CACNB2: variants seen among roughly 807,000 people sequenced by gnomAD.
CACNB2 encodes the protein voltage-dependent L-type calcium channel subunit beta-2.
Under a neutral mutation model 73.3 loss-of-function variants are expected in CACNB2, and 42 were observed. The observed-to-expected ratio is 0.57, with a 90% CI of 0.45 to 0.74. The LOEUF (loss-of-function observed/expected upper bound fraction) is 0.74. Ranked by LOEUF, CACNB2 falls within the 30% of genes least tolerant of loss-of-function variation. The probability of loss-of-function intolerance (pLI) is 0.00; values close to 1 mark genes in which losing one functional copy is unlikely to be tolerated. For missense variants in CACNB2, 940 were observed against 853.0 expected, an observed-to-expected ratio of 1.10 and a Z score of -1.27; for synonymous variants, 348 against 310.3, an observed-to-expected ratio of 1.12 and a Z score of -1.28.
intron 2 of CACNB2, among the ~76,000 whole-genome samples, chr10:18,280,969 C>T (rs563950687): frequency 3.8e-4 from 58 of 152,270 alleles, no homozygotes; most frequent in Non-Finnish European, 7.1e-4. Context: ...GGATCACTAA[C>T]GCCTGTACAC....
intron 3 of CACNB2, among the ~76,000 whole-genome samples, chr10:18,443,311 C>T (rs1005462594): frequency 3.9e-5 from 6 of 151,916 alleles, no homozygotes; most frequent in African/African-American, 1.5e-4. Context: ...TTTCCAGTGA[C>T]AGCACACTCA....
intron 2 of CACNB2, among the ~76,000 whole-genome samples, chr10:18,248,875 T>C (rs917840596): frequency 6.6e-6 from 1 of 152,166 alleles, no homozygotes; most frequent in African/African-American, 2.4e-5. Context: ...AGCCTAAACC[T>C]GACTCTCATT....
intron 4 of CACNB2, among the ~76,000 whole-genome samples, chr10:18,500,337 A>C (rs921027539): frequency 1.3e-5 from 2 of 152,236 alleles, no homozygotes; most frequent in African/African-American, 2.4e-5. Context: ...TGAACATCGC[A>C]TTGTATATTT....
At chr10:18,200,273 T>G (rs1276029594) in intron 2 of CACNB2, among the ~76,000 whole-genome samples, 2 of 136,446 alleles carry the variant, frequency 1.5e-5, no homozygotes, top group African/African-American at 7.4e-5. Context: ...AAAAAAAAAG[T>G]TTTTTTGTGT....
At chr10:18,228,628 C>T (rs974493055) in intron 2 of CACNB2, among the ~76,000 whole-genome samples, 1 of 152,152 alleles carries the variant, frequency 6.6e-6, no homozygotes, top group African/African-American at 2.4e-5. Context: ...AAGTTAGTGT[C>T]GGTAGGACAG....
chr10:18,243,007 C>CAA (rs68136708), intron 2 of CACNB2, among the ~76,000 whole-genome samples: 26,210 of 134,510 alleles, frequency 0.19, 2,817 homozygotes, highest in African/African-American at 0.27. Context: ...AAGACTGTCT[C>CAA]AAAAAAAAAA....
In CACNB2 at chr10:18,192,644, C is replaced by A. The variant is rs547274153; in HGVS notation, c.213+41669C>A. On this transcript the variant is annotated intron_variant, in intron 2 of 13. Coordinates refer to ENST00000324631, the MANE Select transcript of CACNB2 (RefSeq NM_201596.3). ...TACCCATTAAGCAATTTCTTCCTAT[C>A]CTTCCCATCCCCCAGGCCCTGGCAA... 5.9e-5 allele frequency among the ~76,000 whole-genome samples: 9 copies of A among 152,278 alleles called. No individual in the cohort carries two copies. The South Asian group carries it at 1.9e-3, about 32-fold the overall frequency.
intron 3 of CACNB2, among the ~76,000 whole-genome samples, chr10:18,451,096 C>A (rs961920563): frequency 6.6e-6 from 1 of 152,174 alleles, no homozygotes; most frequent in East Asian, 1.9e-4. Context: ...AGCTCTATAT[C>A]TTGGAGCAGA....
intron 2 of CACNB2, among the ~76,000 whole-genome samples, chr10:18,377,085 G>T (rs762159505): frequency 6.6e-6 from 1 of 152,094 alleles, no homozygotes; most frequent in Non-Finnish European, 1.5e-5. Context: ...ATTATATATT[G>T]CATGCCTGTA....
In CACNB2 at chr10:18,538,372, G is replaced by A. The variant is rs770757228; in HGVS notation, c.1488+7G>A. On this transcript the variant is annotated splice_region_variant and intron_variant, in intron 13 of 13. Coordinates refer to ENST00000324631, the MANE Select transcript of CACNB2 (RefSeq NM_201596.3). ...CCTAGCCTCTAATTCACAGGTAAGGGGAGTTTTTATATATATCTATATATA... is the reference window on the plus strand; with the variant it reads ...CCTAGCCTCTAATTCACAGGTAAGGAGAGTTTTTATATATATCTATATATA... 1.2e-5 allele frequency: 20 copies of A among 1,604,882 alleles called. No individual in the cohort carries two copies. In the African/African-American group the frequency reaches 2.4e-4, roughly 19 times the overall value.
chr10:18,192,571 T>C (rs1205383109), intron 2 of CACNB2, among the ~76,000 whole-genome samples: 4 of 152,114 alleles, frequency 2.6e-5, no homozygotes, highest in African/African-American at 9.7e-5. Flanking sequence ...GTAACTACTC[T>C]CTCTTTCTAG....
chr10:18,273,055 T>A (rs1165199816), intron 2 of CACNB2, among the ~76,000 whole-genome samples: 1 of 152,206 alleles, frequency 6.6e-6, no homozygotes, highest in Admixed American at 6.5e-5. Context: ...TTTTGAGGGC[T>A]ACTGGCCAAC....
intron 2 of CACNB2, among the ~76,000 whole-genome samples, chr10:18,392,159 C>T (rs983881063): frequency 3.9e-5 from 6 of 151,900 alleles, no homozygotes; most frequent in Admixed American, 3.3e-4. Context: ...TATCAAGGGG[C>T]CCAACAAGGT....
intron 10 of CACNB2, among the ~76,000 whole-genome samples, chr10:18,529,248 T>C (rs186537516): frequency 9.3e-4 from 142 of 152,342 alleles, no homozygotes; most frequent in Middle Eastern, 3.4e-3. Flanking sequence ...CCAAGATTTT[T>C]TTTACAACTA....
chr10:18,441,327 C>T (rs1048391126), intron 3 of CACNB2, among the ~76,000 whole-genome samples: 10 of 152,128 alleles, frequency 6.6e-5, no homozygotes, highest in African/African-American at 2.4e-4. Context: ...ATTGCTTGAA[C>T]CAGGGAGTCA....
intron 3 of CACNB2, among the ~76,000 whole-genome samples, chr10:18,422,107 A>G (rs906451608): frequency 6.6e-6 from 1 of 152,248 alleles, no homozygotes; most frequent in Non-Finnish European, 1.5e-5. Flanking sequence ...ACAAAACCAA[A>G]AGACCGTTTC....
At chr10:18,529,673 AAAG>A (rs2052803942) in intron 10 of CACNB2, among the ~76,000 whole-genome samples, 1 of 152,248 alleles carries the variant, frequency 6.6e-6, no homozygotes, top group Non-Finnish European at 1.5e-5. Context: ...ATTGTTTTAA[AAAG>A]AAGGACATGG....
intron 2 of CACNB2, among the ~76,000 whole-genome samples, chr10:18,280,623 C>G (rs983928066): frequency 6.6e-6 from 1 of 152,150 alleles, no homozygotes; most frequent in African/African-American, 2.4e-5. Context: ...GAACAGTACA[C>G]AGAATGTACA....
At chr10:18,143,568 C>A (rs1032005568) in intron 1 of CACNB2, among the ~76,000 whole-genome samples, 3 of 152,172 alleles carry the variant, frequency 2.0e-5, no homozygotes, top group South Asian at 2.1e-4. Flanking sequence ...ACTTGAATTG[C>A]GTTCATCTCA....
Sources: allele counts gnomAD v4.1 joint callset (sites outside exome capture counted in the v4.1 genomes callset), GRCh38; gene constraint gnomAD v4.1.1; transcripts MANE v1.5; gene names NCBI Gene and HGNC (gene_info 2026-07-23, HGNC 2026-07-21).